Variants in SKAP1 observed in about 807,000 individuals in gnomAD.
The protein encoded by SKAP1 is src kinase associated phosphoprotein 1.
A neutral mutation model predicts 58.5 loss-of-function variants in SKAP1; 44 were observed. The observed-to-expected ratio is 0.75, with a 90% CI of 0.59 to 0.97. The LOEUF (loss-of-function observed/expected upper bound fraction) is 0.97, where lower values mean the gene tolerates loss of function less well. SKAP1 is among the 50% of genes least tolerant of loss of function. SKAP1 has a pLI of 0.00. For missense variants in SKAP1, 390 were observed against 435.2 expected, an observed-to-expected ratio of 0.90 and a Z score of 0.92; for synonymous variants, 127 against 149.7, an observed-to-expected ratio of 0.85 and a Z score of 1.11.
At chr17:48,424,233 TTTTTTTTTTG>T (rs977489694) in intron 1 of SKAP1, among the ~76,000 whole-genome samples, 8 of 4,648 alleles carry the variant, frequency 1.7e-3, no homozygotes, top group African/African-American at 3.9e-3. Context: ...TTTTTTTTTT[TTTTTTTTTTG>T]AGAACGGAGT....
chr17:48,401,370 C>G (rs1007166397), intron 1 of SKAP1, among the ~76,000 whole-genome samples: 4 of 151,612 alleles, frequency 2.6e-5, no homozygotes, highest in Non-Finnish European at 5.9e-5. Flanking sequence ...TTTCTGACTT[C>G]AAAACTTACC....
At chr17:48,291,183 G>T (rs765997169) in intron 4 of SKAP1, among the ~76,000 whole-genome samples, 3 of 152,070 alleles carry the variant, frequency 2.0e-5, no homozygotes, top group Non-Finnish European at 4.4e-5. Flanking sequence ...CTCTAACTTT[G>T]CAAGCACAAA....
chr17:48,194,127 A>T (rs1302641670), intron 4 of SKAP1, among the ~76,000 whole-genome samples: 1 of 152,222 alleles, frequency 6.6e-6, no homozygotes, highest in Non-Finnish European at 1.5e-5. Flanking sequence ...AACCTCTCAG[A>T]ACAGCCCGTA....
intron 4 of SKAP1, among the ~76,000 whole-genome samples, chr17:48,316,810 C>G (rs4131712): frequency 0.33 from 50,761 of 152,060 alleles, 9,177 homozygotes; most frequent in African/African-American, 0.47. Flanking sequence ...ATTGATCAGA[C>G]TGCTAAAAAT....
upstream of SKAP1, among the ~76,000 whole-genome samples, chr17:48,434,535 C>A (rs984312485): frequency 1.3e-5 from 2 of 152,130 alleles, no homozygotes; most frequent in African/African-American, 4.8e-5. Flanking sequence ...AGATTCTCTG[C>A]CTTAATACAT....
the SKAP1 span, among the ~76,000 whole-genome samples, chr17:48,442,968 T>C: frequency 6.6e-6 from 1 of 152,224 alleles, no homozygotes; most frequent in African/African-American, 2.4e-5. Context: ...TTTCTAGCCT[T>C]GCTGCCTGCA....
chr17:48,400,078 C>A (rs1002964073), intron 1 of SKAP1, among the ~76,000 whole-genome samples: 3 of 150,904 alleles, frequency 2.0e-5, no homozygotes, highest in African/African-American at 7.3e-5. Context: ...GTAAAAAAAT[C>A]AACTGTATTT....
intron 4 of SKAP1, among the ~76,000 whole-genome samples, chr17:48,249,822 T>C (rs1013546547): frequency 2.0e-5 from 3 of 152,242 alleles, no homozygotes; most frequent in African/African-American, 7.2e-5. Flanking sequence ...GCATATTGCC[T>C]ATCTGGGAGG....
At position 48,180,264 on chromosome 17, in the gene SKAP1, T is replaced by G; in HGVS notation, c.632-16A>C. ...GAGCTCAGATCTAACAAGGCAAAGA[T>G]GAGAATGAATCAAGAAACAGAGAAA... On this transcript the variant is annotated splice_polypyrimidine_tract_variant and intron_variant, in intron 8 of 12. Transcript: ENST00000336915. 1 of 1,521,354 alleles carries G rather than the reference T, an allele frequency of 6.6e-7. No homozygotes were observed. Among genetic ancestry groups the G allele is most frequent in the East Asian group, 2.4e-5 (1 of 40,982 alleles). 94.2% of individuals were successfully genotyped at this position (1,521,354 alleles called of 1,614,324 possible).
chr17:48,292,368 G>A (rs1026671489), intron 4 of SKAP1, among the ~76,000 whole-genome samples: 4 of 151,778 alleles, frequency 2.6e-5, no homozygotes, highest in South Asian at 4.2e-4. Context: ...AAAACACATC[G>A]CTTTTTTTCT....
At chr17:48,188,322 C>T (rs1188670823) in intron 5 of SKAP1, among the ~76,000 whole-genome samples, 3 of 152,196 alleles carry the variant, frequency 2.0e-5, no homozygotes, top group Non-Finnish European at 2.9e-5. Flanking sequence ...AGCCAATTTG[C>T]CTGTTGAGTG....
intron 9 of SKAP1, among the ~76,000 whole-genome samples, chr17:48,173,618 C>T (rs191392207): frequency 1.3e-5 from 2 of 152,330 alleles, no homozygotes; most frequent in Non-Finnish European, 2.9e-5. Context: ...TGATATCAAA[C>T]AACTCCATCA....
At chr17:48,382,700 T>C (rs1174703288) in intron 2 of SKAP1, 2 of 152,186 alleles carry the variant, frequency 1.3e-5, no homozygotes, top group African/African-American at 2.4e-5. Flanking sequence ...GCACTGTGCA[T>C]TGCCTGTAAT....
chr17:48,144,042 A>C (rs1054490925), intron 11 of SKAP1, among the ~76,000 whole-genome samples: 7 of 152,180 alleles, frequency 4.6e-5, no homozygotes, highest in Non-Finnish European at 7.4e-5. Context: ...TGCCGACTGC[A>C]GATGTAGAAG....
chr17:48,317,489 C>T (rs1451316467), intron 4 of SKAP1, among the ~76,000 whole-genome samples: 1 of 152,088 alleles, frequency 6.6e-6, no homozygotes, highest in African/African-American at 2.4e-5. Flanking sequence ...ACTAGCAAAG[C>T]ATAATTCTAT....
chr17:48,161,532 A>G (rs769816857), intron 11 of SKAP1, among the ~76,000 whole-genome samples: 4 of 152,362 alleles, frequency 2.6e-5, no homozygotes, highest in Admixed American at 2.6e-4. Context: ...AATCTTCTTC[A>G]CATCAGTGAT....
chr17:48,245,699 G>C (rs1180902888), intron 4 of SKAP1, among the ~76,000 whole-genome samples: 2 of 152,174 alleles, frequency 1.3e-5, no homozygotes, highest in African/African-American at 2.4e-5. Flanking sequence ...TAAGAGGCCG[G>C]GTGCGGTGGC....
chr17:48,397,876 G>T (rs1057428442), intron 1 of SKAP1, among the ~76,000 whole-genome samples: 28 of 151,614 alleles, frequency 1.8e-4, no homozygotes, highest in African/African-American at 6.3e-4. Context: ...CAGAGGGGGG[G>T]TGGTTCTACA....
intron 11 of SKAP1, chr17:48,156,592 C>A: frequency 5.5e-6 from 2 of 364,234 alleles, no homozygotes; most frequent in Non-Finnish European, 1.2e-5. Flanking sequence ...CCGCTGGATG[C>A]ACAGATCTGC....
Sources: gnomAD v4.1 joint callset for allele counts (sites outside exome capture counted in the v4.1 genomes callset) on GRCh38, gnomAD v4.1.1 for gene constraint, MANE v1.5 for transcripts, NCBI Gene and HGNC (gene_info 2026-07-23, HGNC 2026-07-21) for gene names.